The following TLL1 variants were observed in gnomAD, a reference collection of about 807,000 sequenced individuals.
TLL1 encodes the protein tolloid-like protein 1.
A neutral mutation model predicts 128.2 loss-of-function variants in TLL1; 49 were observed. That is an observed-to-expected ratio of 0.38 (90% CI 0.30 to 0.48). The LOEUF (loss-of-function observed/expected upper bound fraction) is 0.48. TLL1 is among the 20% of genes least tolerant of loss of function. TLL1 has a pLI of 0.96. For synonymous variants in TLL1, 454 were observed against 418.8 expected (o/e 1.08, Z -1.03); for missense variants, 1,123 against 1,242.0 (o/e 0.90, Z 1.44).
In TLL1 at chr4:166,103,396, G is replaced by A. The variant is rs553456965; in HGVS notation, c.*2520G>A. 5.6e-4 allele frequency: 85 copies of A among 151,898 alleles called. No individual in the cohort carries two copies. Among genetic ancestry groups the A allele is most frequent in the African/African-American group, 1.6e-3 (66 of 41,516 alleles). The allele number at this position is 151,898 out of a possible 1,614,324, so 9.4% of individuals were successfully genotyped here. ...TAAAAAACCCTATAGTTTGGAGTTA[G>A]TATGAGCCTTTTGTGAAAATAAATA... On this transcript the variant is annotated 3_prime_UTR_variant, in exon 21 of 21. Transcript: ENST00000061240.
chr4:165,946,529 G>C (rs998831108), intron 1 of TLL1, among the ~76,000 whole-genome samples: 1 of 142,504 alleles, frequency 7.0e-6, no homozygotes, highest in African/African-American at 2.6e-5. Context: ...TTGTAGAGAC[G>C]AGGTTTTCCC....
intron 19 of TLL1, among the ~76,000 whole-genome samples, chr4:166,096,147 TATAGCATTCA>T (rs1307518057): frequency 1.3e-5 from 2 of 152,050 alleles, no homozygotes; most frequent in Non-Finnish European, 2.9e-5. Flanking sequence ...CTCTTTTGCA[TATAGCATTCA>T]AATGTTCATT....
At position 166,062,441 on chromosome 4, in the gene TLL1, G is replaced by A. The variant is rs909688448; in HGVS notation, c.2007+2253G>A. Among the ~76,000 whole-genome samples, 10 of 152,224 alleles carry A rather than the reference G, an allele frequency of 6.6e-5. No individual in the cohort carries two copies. The East Asian group carries it at 9.7e-4, about 15-fold the overall frequency. On this transcript the variant is annotated intron_variant, in intron 15 of 20. Transcript: ENST00000061240. ...CTTGAAGAGGTCCTTCACATCCCTC[G>A]TAAGTTGTATTCCAAGGTATTTAAT...
At chr4:166,089,054 C>T (rs1337397808) in intron 18 of TLL1, among the ~76,000 whole-genome samples, 1 of 152,130 alleles carries the variant, frequency 6.6e-6, no homozygotes, top group Non-Finnish European at 1.5e-5. Flanking sequence ...TTCTATGCAG[C>T]AGGTTTCCCT....
intron 20 of TLL1, among the ~76,000 whole-genome samples, chr4:166,100,170 A>G (rs1161650551): frequency 6.6e-6 from 1 of 152,140 alleles, no homozygotes; most frequent in African/African-American, 2.4e-5. Flanking sequence ...TTCTGAATAC[A>G]TATTTTGTCC....
At chr4:165,916,184 A>T (rs1732768435) in intron 1 of TLL1, among the ~76,000 whole-genome samples, 1 of 152,206 alleles carries the variant, frequency 6.6e-6, no homozygotes, top group South Asian at 2.1e-4. Context: ...TTGGAACCCC[A>T]GAGATAGGGT....
intron 1 of TLL1, among the ~76,000 whole-genome samples, chr4:165,884,941 A>G (rs1305379237): frequency 1.3e-5 from 2 of 152,200 alleles, no homozygotes; most frequent in East Asian, 1.9e-4. Flanking sequence ...TTCACACTGT[A>G]TCCTTATTCT....
chr4:166,011,641 G>A (rs889811853), intron 7 of TLL1, among the ~76,000 whole-genome samples: 12 of 151,084 alleles, frequency 7.9e-5, no homozygotes, highest in African/African-American at 2.4e-4. Flanking sequence ...ATTTTTTCTC[G>A]TTGTCCTGGC....
In TLL1 at chr4:166,100,724, GTT is replaced by G; in HGVS notation, c.2908-14_2908-13del. ...TTTATTGCTTGTTTACTTGCTTGTT[GTT>G]TTTGTTTTCCTTCAGCCACCAGAAG... On this transcript the variant is annotated splice_polypyrimidine_tract_variant and intron_variant, in intron 20 of 20. Transcript: ENST00000061240. 6.2e-7 allele frequency: 1 copy of G among 1,612,412 alleles called. No individual in the cohort carries two copies.
chr4:166,078,583 G>A (rs1292845541), intron 18 of TLL1, among the ~76,000 whole-genome samples: 1 of 152,162 alleles, frequency 6.6e-6, no homozygotes, highest in Non-Finnish European at 1.5e-5. Context: ...ATTCAAATAT[G>A]AGTATAATGT....
chr4:166,055,653 A>C (rs972149659), intron 13 of TLL1, among the ~76,000 whole-genome samples: 6 of 152,136 alleles, frequency 3.9e-5, no homozygotes, highest in Admixed American at 1.3e-4. Flanking sequence ...TCCCTTTCAG[A>C]CTAGTATTCC....
At chr4:166,060,272 G>A (rs1740244640) in intron 15 of TLL1, 84 bp downstream of exon 15, 3 of 1,340,384 alleles carry the variant, frequency 2.2e-6, no homozygotes, top group East Asian at 2.4e-5. Context: ...AAAAAAAGAT[G>A]TAGTAAAATA....
chr4:166,068,489 A>G (rs558867444), intron 16 of TLL1, among the ~76,000 whole-genome samples: 1 of 151,960 alleles, frequency 6.6e-6, no homozygotes, highest in Non-Finnish European at 1.5e-5. Context: ...AACTATAAAG[A>G]TATTATACTT....
intron 1 of TLL1, among the ~76,000 whole-genome samples, chr4:165,893,010 C>T (rs1731493437): frequency 6.6e-6 from 1 of 152,146 alleles, no homozygotes; most frequent in Admixed American, 6.5e-5. Flanking sequence ...GCATGTAAGT[C>T]AGCACTGACC....
At chr4:166,088,169 A>G (rs1741608690) in intron 18 of TLL1, among the ~76,000 whole-genome samples, 1 of 152,074 alleles carries the variant, frequency 6.6e-6, no homozygotes, top group Non-Finnish European at 1.5e-5. Context: ...TCCTGTCTCC[A>G]TTGTGAACTT....
At chr4:166,044,276 C>T in intron 12 of TLL1, 1 of 995,188 alleles carries the variant, frequency 1.0e-6, no homozygotes, top group South Asian at 1.7e-5. Flanking sequence ...AGTCATGAGC[C>T]CTACTACCCA....
chr4:165,938,291 T>C (rs1733854720), intron 1 of TLL1, among the ~76,000 whole-genome samples: 1 of 152,090 alleles, frequency 6.6e-6, no homozygotes, highest in Non-Finnish European at 1.5e-5. Context: ...GTTTCTCTTT[T>C]ATTTCTGATT....
intron 1 of TLL1, among the ~76,000 whole-genome samples, chr4:165,955,985 G>A (rs1847273): frequency 0.61 from 92,583 of 151,872 alleles, 29,470 homozygotes; most frequent in Admixed American, 0.72. Flanking sequence ...GCCCACCTGA[G>A]CCTCAAACCA....
At chr4:165,889,556 G>C (rs1471485851) in intron 1 of TLL1, among the ~76,000 whole-genome samples, 1 of 152,214 alleles carries the variant, frequency 6.6e-6, no homozygotes, top group Admixed American at 6.5e-5. Flanking sequence ...CAGTGTTTGC[G>C]TAAAGTGGTA....
Sources: gnomAD v4.1 joint callset for allele counts (sites outside exome capture counted in the v4.1 genomes callset) on GRCh38, gnomAD v4.1.1 for gene constraint, MANE v1.5 for transcripts, NCBI Gene and HGNC (gene_info 2026-07-23, HGNC 2026-07-21) for gene names.